EDEM3: variants seen among roughly 807,000 people sequenced by gnomAD.
EDEM3 encodes the protein ER degradation enhancing alpha-mannosidase like protein 3, also known as ER degradation-enhancing alpha-mannosidase-like protein 3.
In EDEM3, 60 loss-of-function variants were observed where a neutral mutation model predicts 110.2. That is an observed-to-expected ratio of 0.54 (90% CI 0.44 to 0.67). The LOEUF (loss-of-function observed/expected upper bound fraction) is 0.67, where lower values mean the gene tolerates loss of function less well. EDEM3 is among the 30% of genes least tolerant of loss of function. The pLI is 0.00. For missense variants in EDEM3, 996 were observed against 1,121.0 expected (o/e 0.89, Z 1.59); for synonymous variants, 352 against 382.9 (o/e 0.92, Z 0.94).
intron 8 of EDEM3, 30 bp downstream of exon 8, chr1:184,723,721 G>A: frequency 6.7e-7 from 1 of 1,502,004 alleles, no homozygotes; most frequent in Non-Finnish European, 9.1e-7. Context: ...AGGATGCAAA[G>A]GCTTGATTTA....
At chr1:184,706,497 AGTC>A (rs1215885084) in intron 18 of EDEM3, 143 bp downstream of exon 18, 3 of 590,624 alleles carry the variant, frequency 5.1e-6, no homozygotes, top group Non-Finnish European at 8.3e-6. Context: ...AGAAATTAAA[AGTC>A]ATTGGATTAC....
chr1:184,753,387 A>C lies in EDEM3; in HGVS notation c.158+1102T>G, dbSNP rs142685850. On this transcript the variant is annotated intron_variant, in intron 1 of 19. Transcript: ENST00000318130. The stretch of plus-strand genomic sequence containing the variant: ...TATTGAACCATTTCCTCCAAGGAAG[A>C]GCTGTTCTTTCAAAATGCACTTTTT... Among the ~76,000 whole-genome samples the C allele has an allele frequency of 1.4e-3, 212 of 150,082 alleles. 1 individual carries two copies. The highest frequency in any genetic ancestry group is 4.8e-3 in the African/African-American group (198 of 40,988).
intron 16 of EDEM3, among the ~76,000 whole-genome samples, chr1:184,709,579 T>C (rs1650114115): frequency 6.6e-6 from 1 of 152,134 alleles, no homozygotes; most frequent in African/African-American, 2.4e-5. Flanking sequence ...TTAAATCATA[T>C]AAGGATCAAG....
intron 2 of EDEM3, among the ~76,000 whole-genome samples, chr1:184,749,040 A>C (rs1335343808): frequency 1.3e-5 from 2 of 152,196 alleles, no homozygotes; most frequent in Non-Finnish European, 2.9e-5. Context: ...ACTGCTATTT[A>C]ATCTTAAGTG....
intron 7 of EDEM3, among the ~76,000 whole-genome samples, chr1:184,724,785 T>C (rs566072691): frequency 1.3e-5 from 2 of 152,312 alleles, no homozygotes; most frequent in East Asian, 3.9e-4. Context: ...TCCCTAGTCT[T>C]ATTTTACAGC....
intron 11 of EDEM3, 72 bp from the exon 12 acceptor site, chr1:184,717,695 T>C (rs1201657583): frequency 5.6e-6 from 6 of 1,071,590 alleles, no homozygotes; most frequent in South Asian, 2.0e-5. Flanking sequence ...ATATATAGAA[T>C]ATATATAAAT....
At chr1:184,703,136 C>G (rs1480909409) in intron 18 of EDEM3, 140 bp from the exon 19 acceptor site, 9 of 694,318 alleles carry the variant, frequency 1.3e-5, no homozygotes, top group African/African-American at 1.9e-5. Context: ...ATTTTTGGAC[C>G]CATTAATTCT....
chr1:184,697,139 A>C (rs762282555), intron 19 of EDEM3, among the ~76,000 whole-genome samples: 47 of 151,892 alleles, frequency 3.1e-4, no homozygotes, highest in Non-Finnish European at 5.3e-4. Context: ...ACCTTTTCAT[A>C]ATAAAAAGCT....
At chr1:184,703,115 A>G (rs1649719764) in intron 18 of EDEM3, 119 bp from the exon 19 acceptor site, 2 of 825,660 alleles carry the variant, frequency 2.4e-6, no homozygotes, top group African/African-American at 3.6e-5. Flanking sequence ...AGAACCATAA[A>G]AACCAACATA....
intron 2 of EDEM3, among the ~76,000 whole-genome samples, chr1:184,739,523 AT>A (rs1356863841): frequency 6.6e-6 from 1 of 151,956 alleles, no homozygotes; most frequent in Non-Finnish European, 1.5e-5. Context: ...GAGAATTGAT[AT>A]CTTTAGCAAC....
chr1:184,723,865 T>A lies in EDEM3; in HGVS notation c.748-9A>T, dbSNP rs12057135. On this transcript the variant is annotated splice_polypyrimidine_tract_variant and intron_variant, in intron 7 of 19. Transcript: ENST00000318130. ...GCTTTTCTGGCATATTCCTGTAATTTAAAAAAAAAAAAAAAAAAAAGAAGT... is the reference window on the plus strand; with the variant it reads ...GCTTTTCTGGCATATTCCTGTAATTAAAAAAAAAAAAAAAAAAAAAGAAGT... 4.4e-4 allele frequency: 482 copies of A among 1,090,986 alleles called. 1 individual carries two copies. In the African/African-American group the frequency reaches 4.8e-3, roughly 11 times the overall value. 67.6% of individuals were successfully genotyped at this position (1,090,986 alleles called of 1,614,324 possible).
intron 12 of EDEM3, 122 bp from the exon 13 acceptor site, chr1:184,717,134 AC>A: frequency 1.4e-6 from 1 of 705,196 alleles, no homozygotes; most frequent in Non-Finnish European, 2.2e-6. Flanking sequence ...GCACTGAAGG[AC>A]ATTATATAGA....
chr1:184,736,780 C>T (rs1651847931), intron 4 of EDEM3, among the ~76,000 whole-genome samples: 1 of 152,134 alleles, frequency 6.6e-6, no homozygotes, highest in South Asian at 2.1e-4. Context: ...AAAAAAGGAC[C>T]TTCCTAATTA....
intron 19 of EDEM3, among the ~76,000 whole-genome samples, chr1:184,695,907 G>A (rs1649305670): frequency 6.6e-6 from 1 of 151,894 alleles, no homozygotes; most frequent in Admixed American, 6.6e-5. Context: ...CCAAAATATG[G>A]TGCTTCAGCA....
At chr1:184,742,416 G>C (rs184439181) in intron 2 of EDEM3, among the ~76,000 whole-genome samples, 4 of 151,860 alleles carry the variant, frequency 2.6e-5, no homozygotes, top group African/African-American at 9.7e-5. Flanking sequence ...TTTTGAAACG[G>C]AGTCTCACTC....
chr1:184,695,847 G>GC (rs1649301355), intron 19 of EDEM3, among the ~76,000 whole-genome samples: 2 of 151,934 alleles, frequency 1.3e-5, no homozygotes, highest in Non-Finnish European at 2.9e-5. Flanking sequence ...AGGAAATGTA[G>GC]ACATGCAGGA....
At chr1:184,723,713 G>T in intron 8 of EDEM3, 38 bp downstream of exon 8, 1 of 1,419,106 alleles carries the variant, frequency 7.0e-7, no homozygotes, top group Non-Finnish European at 9.8e-7. Context: ...CCATTTTGAG[G>T]ATGCAAAGGC....
intron 2 of EDEM3, among the ~76,000 whole-genome samples, chr1:184,741,399 C>CA (rs905242245): frequency 4.1e-4 from 60 of 145,570 alleles, no homozygotes; most frequent in African/African-American, 1.4e-3. Flanking sequence ...GACTCCGTCT[C>CA]AAAAAAAAAT....
chr1:184,724,532 TAA>T (rs1290906805), intron 7 of EDEM3, among the ~76,000 whole-genome samples: 3 of 152,168 alleles, frequency 2.0e-5, no homozygotes, highest in Admixed American at 2.0e-4. Flanking sequence ...TTACAAAATA[TAA>T]ATGCAAAGGG....
Sources: gnomAD v4.1 joint callset for allele counts (sites outside exome capture counted in the v4.1 genomes callset) on GRCh38, gnomAD v4.1.1 for gene constraint, MANE v1.5 for transcripts, NCBI Gene and HGNC (gene_info 2026-07-23, HGNC 2026-07-21) for gene names.